Variants in ATG10 observed in about 807,000 individuals in gnomAD.
The protein encoded by ATG10 is ubiquitin-like-conjugating enzyme ATG10.
A neutral mutation model predicts 32.1 loss-of-function variants in ATG10; 30 were observed. That is an observed-to-expected ratio of 0.94 (90% confidence interval 0.70 to 1.27). The LOEUF is 1.27. ATG10 is among the 50% of genes most tolerant of loss of function. ATG10 has a pLI of 0.00. For missense variants in ATG10, 233 were observed against 262.3 expected (o/e 0.89, Z 0.77); for synonymous variants, 87 against 91.5 (o/e 0.95, Z 0.28).
intron 2 of ATG10, among the ~76,000 whole-genome samples, chr5:82,050,103 G>T (rs144269782): frequency 6.6e-6 from 1 of 152,088 alleles, no homozygotes; most frequent in East Asian, 1.9e-4. Flanking sequence ...TTATATAAAT[G>T]GCATTGTTGT....
At chr5:82,209,850 T>C (rs1268517106) in intron 5 of ATG10, among the ~76,000 whole-genome samples, 1 of 152,194 alleles carries the variant, frequency 6.6e-6, no homozygotes, top group Non-Finnish European at 1.5e-5. Flanking sequence ...ATATCTCATA[T>C]GTCTGCTATG....
intron 5 of ATG10, among the ~76,000 whole-genome samples, chr5:82,243,938 G>A (rs1057234191): frequency 2.0e-5 from 3 of 152,004 alleles, no homozygotes; most frequent in Non-Finnish European, 4.4e-5. Flanking sequence ...AAATAATAAA[G>A]GTAAATGCAG....
intron 2 of ATG10, among the ~76,000 whole-genome samples, chr5:82,046,012 C>T (rs1431904589): frequency 1.3e-5 from 2 of 152,144 alleles, no homozygotes; most frequent in Non-Finnish European, 2.9e-5. Flanking sequence ...TTGGGTAAAG[C>T]CCTTTTGGCT....
intron 3 of ATG10, among the ~76,000 whole-genome samples, chr5:82,132,610 T>G (rs1273414656): frequency 6.6e-6 from 1 of 152,136 alleles, no homozygotes; most frequent in Non-Finnish European, 1.5e-5. Context: ...GTGCATGTTA[T>G]TCTATGGTGT....
Position 82,205,376 on chromosome 5 carries a change from A to G in ATG10, c.453+26789A>G, listed in dbSNP as rs555176283. On this transcript the variant is annotated intron_variant, in intron 5 of 7. Coordinates refer to ENST00000282185, the MANE Select transcript of ATG10 (RefSeq NM_031482.5). ...GAGGAGAATTTTATTTTTCATTGTA[A>G]TTTACTTGTTTGTTTTTAAGATGAG... is the stretch of plus-strand genomic sequence containing the variant. Among the ~76,000 whole-genome samples, 3 of 152,198 alleles carry G rather than the reference A, an allele frequency of 2.0e-5. No individual in the cohort carries two copies. The South Asian group carries it at 6.2e-4, about 32-fold the overall frequency.
intron 5 of ATG10, among the ~76,000 whole-genome samples, chr5:82,186,793 G>T (rs1744463767): frequency 6.6e-6 from 1 of 152,060 alleles, no homozygotes. Context: ...CATTAGCTTG[G>T]CTGGTCTTGA....
chr5:82,061,565 A>G (rs1359697202), intron 3 of ATG10, among the ~76,000 whole-genome samples: 1 of 151,746 alleles, frequency 6.6e-6, no homozygotes, highest in African/African-American at 2.4e-5. Flanking sequence ...TTAATTACCC[A>G]TAGAACTAGC....
chr5:82,020,290 G>A (rs2149705266), intron 2 of ATG10, among the ~76,000 whole-genome samples: 1 of 152,284 alleles, frequency 6.6e-6, no homozygotes, highest in African/African-American at 2.4e-5. Context: ...TGAACTACAG[G>A]GAGAAAAGGG....
At chr5:82,181,565 A>C (rs1362011183) in intron 5 of ATG10, among the ~76,000 whole-genome samples, 1 of 152,154 alleles carries the variant, frequency 6.6e-6, no homozygotes, top group African/African-American at 2.4e-5. Flanking sequence ...AAGATGATAC[A>C]GCACTAGGGA....
chr5:82,201,954 T>C (rs529706616), intron 5 of ATG10, among the ~76,000 whole-genome samples: 2 of 152,350 alleles, frequency 1.3e-5, no homozygotes, highest in African/African-American at 4.8e-5. Flanking sequence ...TATATAGAAA[T>C]ACAATTAATT....
chr5:82,227,209 T>A (rs1327366249), intron 5 of ATG10, among the ~76,000 whole-genome samples: 1 of 152,076 alleles, frequency 6.6e-6, no homozygotes, highest in East Asian at 1.9e-4. Context: ...TCCCCTTTTT[T>A]ACTTTCTTCC....
chr5:82,107,375 C>T (rs1765474573), intron 3 of ATG10, among the ~76,000 whole-genome samples: 1 of 152,016 alleles, frequency 6.6e-6, no homozygotes, highest in Admixed American at 6.6e-5. Context: ...AAAGTTTCTA[C>T]TCTGGGTGTT....
chr5:82,153,940 G>A (rs1470692547), intron 3 of ATG10, among the ~76,000 whole-genome samples: 5 of 150,254 alleles, frequency 3.3e-5, no homozygotes, highest in Admixed American at 3.3e-4. Flanking sequence ...TTTAGAGACA[G>A]GGTGTCACTC....
chr5:82,038,459 A>G (rs1762998086), intron 2 of ATG10, among the ~76,000 whole-genome samples: 1 of 152,186 alleles, frequency 6.6e-6, no homozygotes, highest in African/African-American at 2.4e-5. Context: ...TCACAGTGTG[A>G]GGGTTGACCA....
chr5:82,147,922 C>A (rs529645253), intron 3 of ATG10: 1 of 152,248 alleles, frequency 6.6e-6, no homozygotes, highest in African/African-American at 2.4e-5. Context: ...GGTGTTGACT[C>A]CTCTTCAAAA....
chr5:82,058,415 T>G (rs1341891301), intron 2 of ATG10, 80 bp from the exon 3 acceptor site: 2 of 1,029,670 alleles, frequency 1.9e-6, no homozygotes, highest in Non-Finnish European at 3.0e-6. Context: ...AGTTTGGAAC[T>G]TATGGGAAGT....
intron 5 of ATG10, among the ~76,000 whole-genome samples, chr5:82,192,754 A>C (rs1744711489): frequency 6.6e-6 from 1 of 152,198 alleles, no homozygotes; most frequent in African/African-American, 2.4e-5. Flanking sequence ...CAGTGGACAC[A>C]ATTTCTATTC....
chr5:81,976,817 A>C (rs1284675213), intron 1 of ATG10, among the ~76,000 whole-genome samples: 32 of 152,306 alleles, frequency 2.1e-4, no homozygotes, highest in Admixed American at 1.8e-3. Context: ...ATTTTTCACA[A>C]AAAAAATTTG....
intron 2 of ATG10, among the ~76,000 whole-genome samples, chr5:82,015,992 A>T (rs1762275762): frequency 6.6e-6 from 1 of 152,062 alleles, no homozygotes; most frequent in East Asian, 1.9e-4. Context: ...TGACGTACAG[A>T]TGGGGTTTTG....
Sources: gnomAD v4.1 joint callset for allele counts (sites outside exome capture counted in the v4.1 genomes callset) on GRCh38, gnomAD v4.1.1 for gene constraint, MANE v1.5 for transcripts, NCBI Gene and HGNC (gene_info 2026-07-23, HGNC 2026-07-21) for gene names.